The following RABEPK variants were observed in gnomAD, a reference collection of about 807,000 sequenced individuals.
RABEPK encodes Rab9 effector protein with kelch motifs.
RABEPK carries 27 observed loss-of-function variants against 34.1 expected under a neutral mutation model. The ratio of observed to expected loss-of-function variants is 0.79; its 90% CI spans 0.58 to 1.09. RABEPK has a LOEUF of 1.09. Ranked by LOEUF, RABEPK falls within the 50% of genes least tolerant of loss-of-function variation. RABEPK has a pLI of 0.00. For missense variants in RABEPK, 449 were observed against 462.6 expected (o/e 0.97, Z 0.27); for synonymous variants, 172 against 169.2 (o/e 1.02, Z -0.13).
At chr9:125,213,666 G>A in intron 4 of RABEPK, 144 bp downstream of exon 4, 1 of 730,294 alleles carries the variant, frequency 1.4e-6, no homozygotes, top group Non-Finnish European at 2.2e-6. Flanking sequence ...TAGAAAATAG[G>A]AATTTTAACT....
At chr9:125,231,363 A>G (rs1832164778) in intron 6 of RABEPK, among the ~76,000 whole-genome samples, 1 of 152,204 alleles carries the variant, frequency 6.6e-6, no homozygotes, top group Non-Finnish European at 1.5e-5. Context: ...AGTAGGCGCT[A>G]AGGCAGCACA....
At chr9:125,233,428 T>C (rs1333099381) in intron 7 of RABEPK, among the ~76,000 whole-genome samples, 1 of 137,766 alleles carries the variant, frequency 7.3e-6, no homozygotes, top group Non-Finnish European at 1.5e-5. Flanking sequence ...AAGTTCCACC[T>C]CCTGGGTTCA....
chr9:125,230,017 T>G (rs1423912429), intron 6 of RABEPK, among the ~76,000 whole-genome samples: 1 of 152,226 alleles, frequency 6.6e-6, no homozygotes, highest in Non-Finnish European at 1.5e-5. Context: ...CAGGCTGGAA[T>G]GCACTGATGC....
chr9:125,220,686 A>G lies in RABEPK; in HGVS notation c.512A>G (p.His171Arg), dbSNP rs1358941805. ...CAGCCCGTGCAGGACACGAAGCTGC[A>G]TGTGTTTGACGCAAGTATGGACTGG... The part of the protein sequence containing the change: ...GAQPVQDTKL[H>R]VFDANTLTWS... Residue 171 changes from histidine to arginine, a missense_variant, in exon 5 of 8, where the codon CAT (histidine) becomes CGT (arginine). Physicochemically the swap from His to Arg is conservative, Grantham distance 29. Transcript: ENST00000373538. 21 of 1,613,976 alleles carry G rather than the reference A, an allele frequency of 1.3e-5. No homozygotes were observed. The highest frequency in any genetic ancestry group is 2.7e-5 in the African/African-American group (2 of 74,944).
chr9:125,224,326 T>C (rs1434820598), intron 5 of RABEPK, among the ~76,000 whole-genome samples: 1 of 152,110 alleles, frequency 6.6e-6, no homozygotes, highest in Non-Finnish European at 1.5e-5. Context: ...ATAAGAAGGG[T>C]TGCCTGTAGT....
chr9:125,210,665 G>A (rs1439030879), intron 3 of RABEPK, among the ~76,000 whole-genome samples: 1 of 139,812 alleles, frequency 7.2e-6, no homozygotes, highest in Non-Finnish European at 1.5e-5. Flanking sequence ...CCAAGATTAT[G>A]CCACTGCACT....
At chr9:125,215,575 G>A (rs1830882015) in intron 4 of RABEPK, among the ~76,000 whole-genome samples, 1 of 152,002 alleles carries the variant, frequency 6.6e-6, no homozygotes, top group African/African-American at 2.4e-5. Context: ...GCCTCCTGAA[G>A]TGTTGGGATT....
Position 125,234,017 on chromosome 9 carries a change from A to G in RABEPK, c.*37A>G. The G allele has an allele frequency of 1.3e-6, 2 of 1,503,912 alleles. No individual in the cohort carries two copies. The highest frequency in any genetic ancestry group is 9.1e-7 in the Non-Finnish European group (1 of 1,096,432). 93.2% of individuals were successfully genotyped at this position (1,503,912 alleles called of 1,614,324 possible). A position where few individuals can be genotyped will look rare whatever the true frequency, so the allele number is the denominator to read the frequency against. ...TTTTTATTACCTGTCAGTTACTTTC[A>G]GAATAGTTAAGTAAAACATTAGCTG... On this transcript the variant is annotated 3_prime_UTR_variant, in exon 8 of 8. Transcript: ENST00000373538.
intron 2 of RABEPK, among the ~76,000 whole-genome samples, chr9:125,205,602 G>A (rs937176293): frequency 7.9e-5 from 12 of 152,124 alleles, no homozygotes; most frequent in Non-Finnish European, 1.5e-4. Flanking sequence ...AAGCGATCCT[G>A]CCTCAGCCTC....
At chr9:125,214,448 AG>A (rs2131389130) in intron 4 of RABEPK, among the ~76,000 whole-genome samples, 1 of 152,310 alleles carries the variant, frequency 6.6e-6, no homozygotes, top group South Asian at 2.1e-4. Flanking sequence ...GGATCCTCCT[AG>A]TATGTTTCTT....
chr9:125,225,165 A>C (rs1831644349), intron 5 of RABEPK, among the ~76,000 whole-genome samples: 1 of 150,354 alleles, frequency 6.7e-6, no homozygotes, highest in Non-Finnish European at 1.5e-5. Flanking sequence ...TGGGTGGATC[A>C]CTTGAGCCCA....
At chr9:125,218,804 C>T (rs1223458379) in intron 4 of RABEPK, among the ~76,000 whole-genome samples, 2 of 152,088 alleles carry the variant, frequency 1.3e-5, no homozygotes, top group African/African-American at 4.8e-5. Context: ...TGACTCACTG[C>T]AACCTCAACC....
Position 125,200,914 on chromosome 9 carries a change from T to A in RABEPK, c.-7+8T>A, listed in dbSNP as rs74512418. Reference sequence around the variant, plus strand: ...CAGTGGCCTAGGCCGCAGGTGAGATTTATCCATTCATCTCTCAATCTATTT... The same window carrying A: ...CAGTGGCCTAGGCCGCAGGTGAGATATATCCATTCATCTCTCAATCTATTT... On this transcript the variant is annotated splice_region_variant and intron_variant, in intron 1 of 7. Transcript: ENST00000373538. The A allele has an allele frequency of 0.018, 8,255 of 466,220 alleles. 484 individuals carry two copies. Among genetic ancestry groups the A allele is most frequent in the Admixed American group, 0.12 (4,861 of 42,014 alleles). 28.9% of individuals were successfully genotyped at this position (466,220 alleles called of 1,614,324 possible).
chr9:125,202,408 G>A (rs899908196), intron 1 of RABEPK, among the ~76,000 whole-genome samples: 5 of 151,748 alleles, frequency 3.3e-5, no homozygotes, highest in African/African-American at 1.2e-4. Flanking sequence ...TGTAATCTCA[G>A]CTACTCAGGA....
intron 6 of RABEPK, among the ~76,000 whole-genome samples, chr9:125,228,911 C>T (rs35766073): frequency 2.6e-4 from 38 of 147,916 alleles, no homozygotes; most frequent in African/African-American, 8.8e-4. Flanking sequence ...TGCAGTGAGC[C>T]GAGACCACAC....
At position 125,220,549 on chromosome 9, in the gene RABEPK, G is replaced by A. The variant is rs368182785; in HGVS notation, c.375G>A (p.Thr125=). ...TTCTCTCTGGCCCAGAAACCAGGAC[G>A]TGGACCACGCCAGAAGTGACCAGCC... The part of the protein sequence containing the change: ...CLQVLNPETR[T]WTTPEVTSPP... The change falls in exon 5 of 8, where the codon ACG becomes ACA. Residue 125 remains threonine, a synonymous_variant. Transcript: ENST00000373538. 8.1e-6 allele frequency: 13 copies of A among 1,613,184 alleles called. No individual in the cohort carries two copies. The highest frequency in any genetic ancestry group is 4.5e-5 in the East Asian group (2 of 44,820).
intron 4 of RABEPK, among the ~76,000 whole-genome samples, chr9:125,218,888 G>A (rs1831131162): frequency 6.6e-6 from 1 of 151,966 alleles, no homozygotes; most frequent in Non-Finnish European, 1.5e-5. Flanking sequence ...CACCACACCC[G>A]ACTAATTTTT....
chr9:125,204,256 C>T (rs2998190), intron 2 of RABEPK, among the ~76,000 whole-genome samples: 70,112 of 150,840 alleles, frequency 0.46, 16,812 homozygotes, highest in African/African-American at 0.55. Flanking sequence ...GCCTGGGCGA[C>T]AGAGCGAGAC....
At chr9:125,211,803 T>A in intron 3 of RABEPK, among the ~76,000 whole-genome samples, 1 of 152,104 alleles carries the variant, frequency 6.6e-6, no homozygotes, top group East Asian at 1.9e-4. Context: ...CCCCCATCTC[T>A]ACTAAAAATA....
Sources: allele counts gnomAD v4.1 joint callset (sites outside exome capture counted in the v4.1 genomes callset), GRCh38; gene constraint gnomAD v4.1.1; transcripts MANE v1.5; gene names NCBI Gene and HGNC (gene_info 2026-07-23, HGNC 2026-07-21).